Variants in CREBBP observed in about 807,000 individuals in gnomAD.
The protein encoded by CREBBP is CREB binding lysine acetyltransferase.
CREBBP carries 19 observed loss-of-function variants against 265.0 expected under a neutral mutation model. The observed-to-expected ratio is 0.07, with a 90% confidence interval of 0.05 to 0.11. The LOEUF (loss-of-function observed/expected upper bound fraction) is 0.11. Ranked by LOEUF, CREBBP falls within the 10% of genes least tolerant of loss-of-function variation. The pLI, the probability that CREBBP is intolerant of heterozygous loss-of-function variation, is 1.00. For missense variants in CREBBP, 2,525 were observed against 3,219.0 expected (o/e 0.78, Z 5.22); for synonymous variants, 1,457 against 1,223.7 (o/e 1.19, Z -3.98).
At chr16:3,803,717 A>C (rs144105004) in intron 3 of CREBBP, among the ~76,000 whole-genome samples, 1 of 152,062 alleles carries the variant, frequency 6.6e-6, no homozygotes, top group Non-Finnish European at 1.5e-5. Context: ...TCCTGGACCC[A>C]CAGCCACAGC....
At chr16:3,746,346 C>G (rs1302164329) in intron 21 of CREBBP, among the ~76,000 whole-genome samples, 1 of 150,606 alleles carries the variant, frequency 6.6e-6, no homozygotes, top group Admixed American at 6.6e-5. Context: ...ACACACAGAT[C>G]TGTGAAAAAA....
intron 2 of CREBBP, among the ~76,000 whole-genome samples, chr16:3,819,486 G>T (rs1474909604): frequency 6.6e-6 from 1 of 152,158 alleles, no homozygotes; most frequent in Non-Finnish European, 1.5e-5. Flanking sequence ...TGAAATAAAG[G>T]AATGCTTTAC....
At chr16:3,795,532 T>G (rs888829629) in intron 3 of CREBBP, among the ~76,000 whole-genome samples, 1 of 152,250 alleles carries the variant, frequency 6.6e-6, no homozygotes, top group African/African-American at 2.4e-5. Flanking sequence ...GAATGACTTG[T>G]AATGAACAGC....
At position 3,810,664 on chromosome 16, in the gene CREBBP, T is replaced by C; in HGVS notation, c.914A>G (p.Asn305Ser). The change falls in exon 3 of 31, where the codon AAC becomes AGC. Residue 305 changes from asparagine (N) to serine (S), a missense_variant. Transcript: ENST00000262367. ...ATCTGTAGGGAAGGTGGGCAAACTG[T>C]TGACCATGCTCTGTTTGCTGGCTAA... ...PQLASKQSMVNSLPTFPTDIK... is the reference protein window; with the variant it reads ...PQLASKQSMVSSLPTFPTDIK... The C allele has an allele frequency of 2.5e-6, 4 of 1,613,924 alleles. No individual in the cohort carries two copies. Among genetic ancestry groups the C allele is most frequent in the African/African-American group, 1.3e-5 (1 of 74,966 alleles).
chr16:3,794,714 G>A (rs1372864919), intron 3 of CREBBP, among the ~76,000 whole-genome samples: 1 of 152,202 alleles, frequency 6.6e-6, no homozygotes, highest in African/African-American at 2.4e-5. Flanking sequence ...TTAACAGCAA[G>A]GCAAATGGAA....
In CREBBP at chr16:3,728,138, C is replaced by T. The variant is rs1283163834; in HGVS notation, c.6909G>A (p.Gln2303=). Residue 2303 remains glutamine, a synonymous_variant, in exon 31 of 31, where the codon CAG becomes CAA. Transcript: ENST00000262367. The surrounding 1 kb of genome is among the most constrained non-coding windows in gnomAD (Gnocchi z 8.7). Reference sequence around the variant, plus strand: ...TCGGCTGGCCTGGGGACCCAATCTGCTGCTTCATCTGCTGTTGCTGCAGAA... The same window carrying T: ...TCGGCTGGCCTGGGGACCCAATCTGTTGCTTCATCTGCTGTTGCTGCAGAA... ...QRILQQQQMK[Q]QIGSPGQPNP... is the part of the protein sequence containing the mutation. 2 of 1,614,124 alleles carry T rather than the reference C, an allele frequency of 1.2e-6. No homozygotes were observed. The highest frequency in any genetic ancestry group is 1.7e-5 in the Admixed American group (1 of 60,012).
chr16:3,797,291 T>G (rs989404065), intron 3 of CREBBP, among the ~76,000 whole-genome samples: 1 of 152,212 alleles, frequency 6.6e-6, no homozygotes, highest in Non-Finnish European at 1.5e-5. Flanking sequence ...AGGGGCAATC[T>G]ATATTGCCAG....
rs79741866 is a variant in CREBBP, at chr16:3,872,280, C to T, written c.85+7552G>A. Among the ~76,000 whole-genome samples the T allele has an allele frequency of 5.8e-4, 88 of 152,250 alleles. No individual in the cohort carries two copies. The East Asian group carries it at 0.016, about 27-fold the overall frequency. ...GGGCCACTTTTGTTTACTTCCATGCCTTTCACACAGCCTTGCCCAATTTGA... is the reference window on the plus strand; with the variant it reads ...GGGCCACTTTTGTTTACTTCCATGCTTTTCACACAGCCTTGCCCAATTTGA... On this transcript the variant is annotated intron_variant, in intron 1 of 30. Transcript: ENST00000262367.
chr16:3,741,852 G>A (rs1432074378), intron 23 of CREBBP: 1 of 152,164 alleles, frequency 6.6e-6, no homozygotes, highest in Non-Finnish European at 1.5e-5. Context: ...GAGGCAGGCG[G>A]ATCACGAGGT....
At chr16:3,854,738 T>C (rs2054923701) in intron 1 of CREBBP, among the ~76,000 whole-genome samples, 1 of 152,238 alleles carries the variant, frequency 6.6e-6, no homozygotes, top group African/African-American at 2.4e-5. Flanking sequence ...CCCACTCAGA[T>C]TAAACACAGC....
intron 23 of CREBBP, chr16:3,742,070 G>C: frequency 6.6e-6 from 1 of 151,362 alleles, no homozygotes; most frequent in Non-Finnish European, 1.5e-5. Flanking sequence ...GACAGAGCGA[G>C]ACTCTGTCTG....
intron 2 of CREBBP, among the ~76,000 whole-genome samples, chr16:3,828,615 C>A (rs573328440): frequency 9.8e-5 from 15 of 152,298 alleles, no homozygotes; most frequent in Non-Finnish European, 1.6e-4. Flanking sequence ...TGGGGGAAAA[C>A]CTGACCCACA....
At chr16:3,807,359 C>G in intron 3 of CREBBP, among the ~76,000 whole-genome samples, 1 of 152,124 alleles carries the variant, frequency 6.6e-6, no homozygotes, top group East Asian at 1.9e-4. Flanking sequence ...GTTTGGGACA[C>G]CAAATTTAGT....
intron 3 of CREBBP, among the ~76,000 whole-genome samples, chr16:3,796,499 G>A (rs916369895): frequency 2.6e-5 from 4 of 151,458 alleles, no homozygotes; most frequent in Middle Eastern, 3.4e-3. Context: ...CGATTCTCCT[G>A]CCTCAGCCTC....
chr16:3,875,385 G>A (rs2055378925), intron 1 of CREBBP, among the ~76,000 whole-genome samples: 1 of 152,094 alleles, frequency 6.6e-6, no homozygotes, highest in African/African-American at 2.4e-5. Flanking sequence ...TTCCTACTTA[G>A]CCAGAACTCA....
At chr16:3,739,527 T>A (rs1451828609) in intron 25 of CREBBP, 51 bp downstream of exon 25, 2 of 1,611,530 alleles carry the variant, frequency 1.2e-6, no homozygotes, top group Non-Finnish European at 1.7e-6. Context: ...CCCTGGTCTA[T>A]CCTAACACGG....
intron 27 of CREBBP, 161 bp from the exon 28 acceptor site, chr16:3,736,364 ACCC>A (rs1231765979): frequency 1.3e-6 from 1 of 772,204 alleles, no homozygotes; most frequent in East Asian, 2.7e-5. Flanking sequence ...ACACATGTGC[ACCC>A]CCCACCACAG....
intron 4 of CREBBP, 106 bp downstream of exon 4, chr16:3,793,280 A>G (rs1432966271): frequency 1.3e-6 from 2 of 1,486,304 alleles, no homozygotes; most frequent in South Asian, 1.1e-5. Context: ...AATGGAAGGC[A>G]GCACTCAGGC....
chr16:3,869,538 T>C (rs2055249122), intron 1 of CREBBP, among the ~76,000 whole-genome samples: 1 of 152,220 alleles, frequency 6.6e-6, no homozygotes, highest in Non-Finnish European at 1.5e-5. Flanking sequence ...TAAATGTACT[T>C]ACAGTTGTGC....
Sources: allele counts gnomAD v4.1 joint callset (sites outside exome capture counted in the v4.1 genomes callset), GRCh38; gene constraint gnomAD v4.1.1; non-coding constraint Gnocchi (gnomAD v3.1); transcripts MANE v1.5; gene names NCBI Gene and HGNC (gene_info 2026-07-23, HGNC 2026-07-21).